Variants in CAP2 observed in about 807,000 individuals in gnomAD.
The protein encoded by CAP2 is cyclase associated actin cytoskeleton regulatory protein 2.
A neutral mutation model predicts 57.7 loss-of-function variants in CAP2; 24 were observed. That is an observed-to-expected ratio of 0.42 (90% CI 0.30 to 0.58). CAP2 has a LOEUF of 0.58. Among genes scored for constraint, CAP2 ranks in the 20% least tolerant of loss-of-function variants. The probability of loss-of-function intolerance (pLI) is 0.22; values close to 1 mark genes in which losing one functional copy is unlikely to be tolerated. For missense variants in CAP2, 501 were observed against 590.3 expected, an observed-to-expected ratio of 0.85 and a Z score of 1.57; for synonymous variants, 194 against 207.2, an observed-to-expected ratio of 0.94 and a Z score of 0.55.
At chr6:17,436,028 A>T (rs1452079381) in intron 3 of CAP2, among the ~76,000 whole-genome samples, 1 of 152,168 alleles carries the variant, frequency 6.6e-6, no homozygotes, top group Non-Finnish European at 1.5e-5. Flanking sequence ...TAAGGTTAAG[A>T]TGACTAAACT....
chr6:17,515,649 A>G (rs1762261077), intron 7 of CAP2, among the ~76,000 whole-genome samples: 1 of 152,216 alleles, frequency 6.6e-6, no homozygotes, highest in Non-Finnish European at 1.5e-5. Context: ...AGAACAAGAT[A>G]GATGTCATTT....
chr6:17,555,980 A>G (rs1367923102), intron 12 of CAP2, among the ~76,000 whole-genome samples: 1 of 152,198 alleles, frequency 6.6e-6, no homozygotes, highest in Non-Finnish European at 1.5e-5. Flanking sequence ...GTTACTGGCC[A>G]CATCATTTGG....
Position 17,462,302 on chromosome 6 carries a change from G to A in CAP2, c.223-694G>A, listed in dbSNP as rs142253309. On this transcript the variant is annotated intron_variant, in intron 3 of 12. Transcript: ENST00000229922. ...AGGGACAATTCTCTTTCCTCTAGAA[G>A]GTGTAGAATAGAATGTGGGCACAGT... 1.9e-3 allele frequency among the ~76,000 whole-genome samples: 295 copies of A among 152,152 alleles called. 3 individuals are homozygous for A. The highest frequency in any genetic ancestry group is 7.0e-3 in the African/African-American group (289 of 41,528).
At chr6:17,433,190 G>A (rs1006396529) in intron 3 of CAP2, among the ~76,000 whole-genome samples, 6 of 152,132 alleles carry the variant, frequency 3.9e-5, no homozygotes, top group Non-Finnish European at 8.8e-5. Flanking sequence ...ATTGTAAAAA[G>A]CATCTTCAGC....
chr6:17,539,145 G>A (rs1444927615), intron 7 of CAP2, 124 bp from the exon 8 acceptor site: 1 of 823,500 alleles, frequency 1.2e-6, no homozygotes, highest in African/African-American at 1.7e-5. Context: ...TGTGCCCTCT[G>A]GGAGCCTTTG....
rs201105318 is a variant in CAP2 at position 17,515,112 on chromosome 6, GC to G, written c.636+1159del. Among the ~76,000 whole-genome samples, 291 of 151,924 alleles carry G rather than the reference GC, an allele frequency of 1.9e-3. 11 individuals are homozygous for G. The East Asian group carries it at 0.042, about 22-fold the overall frequency. Reference sequence around the variant, plus strand: ...CTCAGGAGGCTGAGGCAAGAGAATCGCTTGAATCCGGGAGGCGGAGATTGCA... The same window carrying G: ...CTCAGGAGGCTGAGGCAAGAGAATCGTTGAATCCGGGAGGCGGAGATTGCA... On this transcript the variant is annotated intron_variant, in intron 7 of 12. Transcript: ENST00000229922.
chr6:17,536,102 T>C (rs1762766532), intron 7 of CAP2: 4 of 427,070 alleles, frequency 9.4e-6, no homozygotes, highest in Non-Finnish European at 1.4e-5. Context: ...TACATACAGG[T>C]GTGAGCCTCC....
At chr6:17,477,120 C>A (rs1355566614) in intron 4 of CAP2, among the ~76,000 whole-genome samples, 1 of 152,102 alleles carries the variant, frequency 6.6e-6, no homozygotes, top group Non-Finnish European at 1.5e-5. Context: ...ATCTGCCCGG[C>A]CTTTCGGCCT....
intron 4 of CAP2, among the ~76,000 whole-genome samples, chr6:17,475,687 G>A (rs879747912): frequency 2.4e-4 from 36 of 152,196 alleles, no homozygotes; most frequent in Non-Finnish European, 4.6e-4. Flanking sequence ...GATCCAGCTG[G>A]CCTGATATTT....
intron 3 of CAP2, 122 bp downstream of exon 3, chr6:17,426,812 A>T: frequency 2.9e-6 from 2 of 681,488 alleles, no homozygotes; most frequent in African/African-American, 1.8e-5. Context: ...GGCTAGGCAG[A>T]TGGTGGCTAA....
In CAP2 at chr6:17,529,651, A is replaced by AAT. The variant is rs1554129488; in HGVS notation, c.637-9599_637-9598dup. ...GCAAGACTCCGTCTCAAAAAAAAAA[A>AAT]ATATATATATATATATATATGTATA... On this transcript the variant is annotated intron_variant, in intron 7 of 12. Coordinates refer to ENST00000229922, the MANE Select transcript of CAP2 (RefSeq NM_006366.3). Among the ~76,000 whole-genome samples, 793 of 134,480 alleles carry AAT rather than the reference A, an allele frequency of 5.9e-3. 14 individuals carry two copies. The highest frequency in any genetic ancestry group is 0.015 in the East Asian group (74 of 4,962). 88.2% of individuals were successfully genotyped at this position (134,480 alleles called of 152,430 possible). A position where few individuals can be genotyped will look rare whatever the true frequency, so the allele number is the denominator to read the frequency against.
intron 7 of CAP2, among the ~76,000 whole-genome samples, chr6:17,535,336 G>A (rs938296671): frequency 1.2e-4 from 18 of 150,222 alleles, no homozygotes; most frequent in African/African-American, 3.4e-4. Context: ...GTGCAGTGGC[G>A]CAATCTCGGC....
chr6:17,439,249 C>G (rs1255182079), intron 3 of CAP2, among the ~76,000 whole-genome samples: 3 of 112,990 alleles, frequency 2.7e-5, no homozygotes, highest in African/African-American at 4.5e-5. Flanking sequence ...AGGCATGGAT[C>G]CAACTGTTTT....
At chr6:17,474,979 A>G (rs1416043819) in intron 4 of CAP2, among the ~76,000 whole-genome samples, 5 of 151,922 alleles carry the variant, frequency 3.3e-5, no homozygotes, top group Non-Finnish European at 5.9e-5. Flanking sequence ...GGCGGATCAC[A>G]AGGTCAGGAG....
intron 4 of CAP2, among the ~76,000 whole-genome samples, chr6:17,476,869 T>C (rs1376739417): frequency 1.5e-5 from 2 of 133,968 alleles, no homozygotes; most frequent in East Asian, 2.1e-4. Context: ...TACTTCTTTT[T>C]TTTTTTTTTT....
At position 17,507,294 on chromosome 6, in the gene CAP2, C is replaced by G. The variant is rs570071454; in HGVS notation, c.426C>G (p.Ala142=). The change falls in exon 5 of 13, where the codon GCC becomes GCG. Residue 142 remains alanine (A), a synonymous_variant. Coordinates refer to ENST00000229922, the MANE Select transcript of CAP2 (RefSeq NM_006366.3). Reference sequence around the variant, plus strand: ...CGGCCGTCAGCGAAAGCATCCCTGCCCTTGGATGGATAGCTGTGGTGAGTC... The same window carrying G: ...CGGCCGTCAGCGAAAGCATCCCTGCGCTTGGATGGATAGCTGTGGTGAGTC... The part of the protein sequence containing the change: ...HLSAVSESIP[A]LGWIAVSPKP... 6.2e-7 allele frequency: 1 copy of G among 1,614,018 alleles called. No homozygotes were observed. The highest frequency in any genetic ancestry group is 1.3e-5 in the African/African-American group (1 of 74,916).
At chr6:17,481,039 C>A (rs1455328678) in intron 4 of CAP2, among the ~76,000 whole-genome samples, 1 of 149,728 alleles carries the variant, frequency 6.7e-6, no homozygotes, top group African/African-American at 2.5e-5. Context: ...CCTCAGGTGA[C>A]CTCGGCTTCT....
intron 6 of CAP2, among the ~76,000 whole-genome samples, chr6:17,512,031 G>A (rs908949608): frequency 6.0e-5 from 9 of 149,590 alleles, no homozygotes; most frequent in African/African-American, 1.7e-4. Context: ...TACTGCATTG[G>A]TTAAAAAAAA....
chr6:17,498,123 G>A (rs375886337), intron 4 of CAP2, among the ~76,000 whole-genome samples: 45 of 152,344 alleles, frequency 3.0e-4, no homozygotes, highest in Middle Eastern at 3.4e-3. Context: ...TTGTTCTGAT[G>A]TATAACTTGT....
Sources: allele counts gnomAD v4.1 joint callset (sites outside exome capture counted in the v4.1 genomes callset), GRCh38; gene constraint gnomAD v4.1.1; transcripts MANE v1.5; gene names NCBI Gene and HGNC (gene_info 2026-07-23, HGNC 2026-07-21).